Variants in NOTCH2 observed in about 807,000 individuals in gnomAD.
The protein encoded by NOTCH2 is notch receptor 2.
Under a neutral mutation model 235.8 loss-of-function variants are expected in NOTCH2, and 29 were observed. That is an observed-to-expected ratio of 0.12 (90% confidence interval 0.09 to 0.17). The LOEUF (loss-of-function observed/expected upper bound fraction) is 0.17. Ranked by LOEUF, NOTCH2 falls within the 10% of genes least tolerant of loss-of-function variation. The pLI is 1.00. For synonymous variants in NOTCH2, 1,086 were observed against 1,141.5 expected (o/e 0.95, Z 0.98); for missense variants, 2,285 against 3,150.2 (o/e 0.73, Z 6.57).
At position 119,937,415 on chromosome 1, in the gene NOTCH2, C is replaced by G. The variant is rs1479513169; in HGVS notation, c.3389G>C (p.Gly1130Ala). 2 of 1,613,938 alleles carry G rather than the reference C, an allele frequency of 1.2e-6. No individual in the cohort carries two copies. The highest frequency in any genetic ancestry group is 8.5e-7 in the Non-Finnish European group (1 of 1,180,044). Residue 1130 changes from glycine (G) to alanine (A), a missense_variant, in exon 21 of 34, where the codon GGC (glycine) becomes GCC (alanine). By Grantham distance (60) the Gly-to-Ala change is moderately conservative. Transcript: ENST00000256646. Reference sequence around the variant, plus strand: ...GGGGCACTGACAGTAATGCGTGTTGCCAGCATTGATGCAGACACCTGAGTG... The same window carrying G: ...GGGGCACTGACAGTAATGCGTGTTGGCAGCATTGATGCAGACACCTGAGTG... The part of the protein sequence containing the change: ...CQHSGVCINA[G>A]NTHYCQCPLG...
chr1:119,950,585 G>A, intron 15 of NOTCH2, 139 bp downstream of exon 15: 1 of 727,814 alleles, frequency 1.4e-6, no homozygotes, highest in Non-Finnish European at 2.5e-6. Flanking sequence ...GATCCAGTCA[G>A]TAAAGGCAGG....
At position 119,913,773 on chromosome 1, in the gene NOTCH2, C is replaced by CTAT. The variant is rs1648969255; in HGVS notation, c.*1532_*1533insATA. 8.6e-6 allele frequency: 2 copies of CTAT among 232,952 alleles called. No individual in the cohort carries two copies. The highest frequency in any genetic ancestry group is 1.3e-3 in the Middle Eastern group (1 of 786). The allele number at this position is 232,952 out of a possible 1,614,324, so 14.4% of individuals were successfully genotyped here. A position where few individuals can be genotyped will look rare whatever the true frequency, so the allele number is the denominator to read the frequency against. On this transcript the variant is annotated 3_prime_UTR_variant, in exon 34 of 34. Transcript: ENST00000256646. Reference sequence around the variant, plus strand: ...AGGAAAATGTTCTGTTGAGTTTCTACGTTAGTTGCCAAAGGGAATGTCATG... The same window carrying CTAT: ...AGGAAAATGTTCTGTTGAGTTTCTACTATGTTAGTTGCCAAAGGGAATGTCATG...
intron 5 of NOTCH2, among the ~76,000 whole-genome samples, chr1:119,980,016 G>A (rs1651752256): frequency 6.6e-6 from 1 of 152,152 alleles, no homozygotes; most frequent in Non-Finnish European, 1.5e-5. Flanking sequence ...TTCCTAGAAT[G>A]ACAAGCATGT....
chr1:120,005,012 C>T (rs587654819), intron 3 of NOTCH2, among the ~76,000 whole-genome samples: 1 of 152,268 alleles, frequency 6.6e-6, no homozygotes, highest in South Asian at 2.1e-4. Flanking sequence ...GGTCTCAAAC[C>T]TCTAGCCTCA....
At chr1:120,040,752 A>G (rs2101366220) in intron 1 of NOTCH2, among the ~76,000 whole-genome samples, 1 of 149,614 alleles carries the variant, frequency 6.7e-6, no homozygotes, top group Non-Finnish European at 1.5e-5. Context: ...ATATAGCCCT[A>G]AACGGCCAGG....
Position 119,916,130 on chromosome 1 carries a change from C to T in NOTCH2, c.6592G>A (p.Ala2198Thr), listed in dbSNP as rs1241583454. Reference protein sequence around the residue: ...APPAPVHAQHALSFSNLHEMQ... With the variant: ...APPAPVHAQHTLSFSNLHEMQ... ...TCATGAAGGTTAGAAAAAGATAGTG[C>T]ATGCTGGGCATGGACTGGGGCAGGA... The change falls in exon 34 of 34, where the codon GCA (alanine) becomes ACA (threonine). Residue 2198 changes from alanine to threonine, a missense_variant. Ala to Thr is a moderately conservative substitution (Grantham distance 58). Transcript: ENST00000256646. The T allele has an allele frequency of 6.2e-7, 1 of 1,614,144 alleles. No individual in the cohort carries two copies. The highest frequency in any genetic ancestry group is 8.5e-7 in the Non-Finnish European group (1 of 1,180,016).
Position 119,912,916 on chromosome 1 carries a change from C to T in NOTCH2, c.*2390G>A. The T allele has an allele frequency of 8.6e-6, 2 of 233,486 alleles. No homozygotes were observed. Among genetic ancestry groups the T allele is most frequent in the Non-Finnish European group, 1.7e-5 (2 of 117,940 alleles). The allele number at this position is 233,486 out of a possible 1,614,324, so 14.5% of individuals were successfully genotyped here. On this transcript the variant is annotated 3_prime_UTR_variant, in exon 34 of 34. Transcript: ENST00000256646. ...TCCCTTTCTCCAAACCCAAAGGATC[C>T]AAATTAAAGTAGTCCAAGAAAAAGA...
chr1:120,007,438 G>T (rs327201), intron 2 of NOTCH2, among the ~76,000 whole-genome samples: 4,945 of 101,324 alleles, frequency 0.049, 665 homozygotes, highest in African/African-American at 0.26. Flanking sequence ...CACCTGTAAT[G>T]CCAGCACTTT....
At chr1:119,952,300 C>T (rs375099685) in intron 14 of NOTCH2, among the ~76,000 whole-genome samples, 3 of 152,056 alleles carry the variant, frequency 2.0e-5, no homozygotes, top group East Asian at 1.9e-4. Flanking sequence ...TTCCATGATC[C>T]GGGGTTGGGG....
At chr1:119,970,565 A>G (rs1475668249) in intron 5 of NOTCH2, among the ~76,000 whole-genome samples, 2 of 152,230 alleles carry the variant, frequency 1.3e-5, no homozygotes, top group African/African-American at 4.8e-5. Flanking sequence ...ATCACACTAA[A>G]GGAAGCTAAA....
chr1:119,922,815 T>G lies in NOTCH2; in HGVS notation c.4860-37A>C, dbSNP rs201778348. 2.7e-4 allele frequency: 442 copies of G among 1,613,008 alleles called. 3 individuals are homozygous for G. In the Middle Eastern group the frequency reaches 3.9e-3, roughly 14 times the overall value. On this transcript the variant is annotated intron_variant, in intron 26 of 33. Coordinates refer to ENST00000256646, the MANE Select transcript of NOTCH2 (RefSeq NM_024408.4). Reference sequence around the variant, plus strand: ...CAAGGGAGAAGCGGAGGAGGAGAGATGGGGGTAAAACAGAAGAGTGCAGGT... The same window carrying G: ...CAAGGGAGAAGCGGAGGAGGAGAGAGGGGGGTAAAACAGAAGAGTGCAGGT...
Position 119,949,130 on chromosome 1 carries a change from G to C in NOTCH2, c.2480-4C>G, listed in dbSNP as rs201770901. The C allele has an allele frequency of 5.9e-5, 96 of 1,614,138 alleles. 2 individuals carry two copies. The East Asian group carries it at 2.0e-3, about 33-fold the overall frequency. ...AATACTGTCTGACAATTCTTGCCTAGAAAGTAAATGACAGAGTTTATGACA... is the reference window on the plus strand; with the variant it reads ...AATACTGTCTGACAATTCTTGCCTACAAAGTAAATGACAGAGTTTATGACA... On this transcript the variant is annotated splice_region_variant and splice_polypyrimidine_tract_variant and intron_variant, in intron 15 of 33. Transcript: ENST00000256646.
intron 17 of NOTCH2, among the ~76,000 whole-genome samples, chr1:119,945,740 G>C (rs138864056): frequency 9.2e-5 from 14 of 152,072 alleles, no homozygotes; most frequent in African/African-American, 2.9e-4. Flanking sequence ...AGAATTACTA[G>C]AGAAACAGAT....
intron 5 of NOTCH2, among the ~76,000 whole-genome samples, chr1:119,982,812 CACAA>C (rs1306500421): frequency 6.6e-6 from 1 of 152,206 alleles, no homozygotes; most frequent in Non-Finnish European, 1.5e-5. Context: ...TTTTTGAAGG[CACAA>C]ACAAACACTA....
Position 119,917,730 on chromosome 1 carries a change from T to G in NOTCH2, c.5962A>C (p.Asn1988His). The change falls in exon 33 of 34, where the codon AAT (asparagine) becomes CAT (histidine). Residue 1988 changes from asparagine to histidine, a missense_variant. Transcript: ENST00000256646. ...AACAAAAGAGTTGCCTCCACATTAT[T>G]GACAGCAGCTGCCCAGTGAAGAGCA... ...KSALHWAAAV[N>H]NVEATLLLLK... 6.2e-7 allele frequency: 1 copy of G among 1,613,808 alleles called. No individual in the cohort carries two copies. The highest frequency in any genetic ancestry group is 8.5e-7 in the Non-Finnish European group (1 of 1,179,744).
At chr1:120,053,795 A>AT (rs1655051074) in intron 1 of NOTCH2, among the ~76,000 whole-genome samples, 1 of 114,732 alleles carries the variant, frequency 8.7e-6, no homozygotes, top group African/African-American at 4.1e-5. Context: ...TTTAAAGTTC[A>AT]GGGGCCCCTA....
At chr1:119,980,094 G>C (rs1651756182) in intron 5 of NOTCH2, among the ~76,000 whole-genome samples, 1 of 152,102 alleles carries the variant, frequency 6.6e-6, no homozygotes, top group South Asian at 2.1e-4. Context: ...GGACCAGTAA[G>C]GTCATCTGAG....
At position 119,929,089 on chromosome 1, in the gene NOTCH2, C is replaced by T. The variant is rs75423398; in HGVS notation, c.3779G>A (p.Arg1260His). The T allele has an allele frequency of 1.6e-3, 2,546 of 1,614,178 alleles. 103 individuals are homozygous for T. The East Asian group carries it at 0.052, about 33-fold the overall frequency. Residue 1260 changes from arginine to histidine, a missense_variant, in exon 23 of 34, where the codon CGT (arginine) becomes CAT (histidine). By Grantham distance (29) the Arg-to-His change is conservative (BLOSUM62 0). This residue lies in a region of NOTCH2 where 1,173 missense variants were observed against 1,515.3 expected (regional missense o/e 0.77). Coordinates refer to ENST00000256646, the MANE Select transcript of NOTCH2 (RefSeq NM_024408.4). Reference sequence around the variant, plus strand: ...GCACTCGTTGATGTCTCCCTCACAACGCTCCCCAGCAAAGCCAGGCAAGCA... The same window carrying T: ...GCACTCGTTGATGTCTCCCTCACAATGCTCCCCAGCAAAGCCAGGCAAGCA... ...CRCLPGFAGERCEGDINECLS... is the reference protein window; with the variant it reads ...CRCLPGFAGEHCEGDINECLS...
At chr1:119,919,913 G>T (rs1354374738) in intron 30 of NOTCH2, among the ~76,000 whole-genome samples, 1 of 152,112 alleles carries the variant, frequency 6.6e-6, no homozygotes, top group Admixed American at 6.5e-5. Context: ...AATATTAATA[G>T]AACAATTAAT....
Sources: allele counts gnomAD v4.1 joint callset (sites outside exome capture counted in the v4.1 genomes callset), GRCh38; gene constraint gnomAD v4.1.1; regional missense constraint gnomAD v4.1.1; transcripts MANE v1.5; gene names NCBI Gene and HGNC (gene_info 2026-07-23, HGNC 2026-07-21).